The following TRPM3 variants were observed in gnomAD, a reference collection of about 807,000 sequenced individuals.
The protein encoded by TRPM3 is transient receptor potential cation channel subfamily M member 3, also known as long transient receptor potential channel 3.
TRPM3 carries 77 observed loss-of-function variants against 181.2 expected under a neutral mutation model. The ratio of observed to expected loss-of-function variants is 0.42; its 90% CI spans 0.35 to 0.51. TRPM3 has a LOEUF of 0.51. Among genes scored for constraint, TRPM3 ranks in the 20% least tolerant of loss-of-function variants. The pLI is 0.01. For missense variants in TRPM3, 1,759 were observed against 2,196.7 expected (o/e 0.80, Z 3.98); for synonymous variants, 745 against 796.4 (o/e 0.94, Z 1.09).
chr9:71,268,917 A>C (rs2083580785), intron 1 of TRPM3, among the ~76,000 whole-genome samples: 1 of 152,194 alleles, frequency 6.6e-6, no homozygotes, highest in Non-Finnish European at 1.5e-5. Context: ...TTGACAAAGA[A>C]ATGTAAGTTC....
intron 1 of TRPM3, among the ~76,000 whole-genome samples, chr9:71,321,740 G>A (rs889644362): frequency 6.6e-6 from 1 of 152,060 alleles, no homozygotes; most frequent in African/African-American, 2.4e-5. Flanking sequence ...CTAAGCTGGG[G>A]CTAGCATCTG....
intron 7 of TRPM3, among the ~76,000 whole-genome samples, chr9:70,766,629 T>TTA (rs139487372): frequency 0.15 from 23,274 of 152,194 alleles, 2,361 homozygotes; most frequent in East Asian, 0.39. Context: ...TTACTAAATG[T>TTA]TATATTAAGA....
chr9:70,753,270 C>A (rs916634574), intron 8 of TRPM3, among the ~76,000 whole-genome samples: 1 of 151,938 alleles, frequency 6.6e-6, no homozygotes, highest in African/African-American at 2.4e-5. Flanking sequence ...AAAACAAGCC[C>A]CAAACTGAGA....
At chr9:71,226,507 C>A in intron 1 of TRPM3, among the ~76,000 whole-genome samples, 1 of 151,366 alleles carries the variant, frequency 6.6e-6, no homozygotes, top group African/African-American at 2.4e-5. Context: ...CAAATGGAAA[C>A]CAAAAAAGAA....
chr9:71,300,781 T>C (rs1192170345), intron 1 of TRPM3, among the ~76,000 whole-genome samples: 1 of 152,178 alleles, frequency 6.6e-6, no homozygotes, highest in Non-Finnish European at 1.5e-5. Flanking sequence ...CAAATGTGAT[T>C]TTAAATTCTG....
At chr9:71,232,543 G>T (rs1001778852) in intron 1 of TRPM3, among the ~76,000 whole-genome samples, 1 of 124,586 alleles carries the variant, frequency 8.0e-6, no homozygotes, top group Non-Finnish European at 1.6e-5. Flanking sequence ...CTCTGTCGCC[G>T]AGGCTGGAGT....
At position 71,388,147 on chromosome 9, in the gene TRPM3, C is replaced by T. The variant is rs184588177; in HGVS notation, c.183+58506G>A. 1.9e-3 allele frequency among the ~76,000 whole-genome samples: 287 copies of T among 152,142 alleles called. 1 individual carries two copies. Among genetic ancestry groups the T allele is most frequent in the Non-Finnish European group, 2.2e-3 (151 of 67,996 alleles). ...CATAGTTATACAACAAAAAGAGGAA[C>T]GACCAGTTATATGATGAGCTAAGAG... On this transcript the variant is annotated intron_variant, in intron 1 of 24. Coordinates refer to the TRPM3 transcript ENST00000357533.
intron 1 of TRPM3, among the ~76,000 whole-genome samples, chr9:71,135,611 A>C (rs182890833): frequency 3.4e-4 from 52 of 152,316 alleles, no homozygotes; most frequent in African/African-American, 1.2e-3. Context: ...TTGAATAGAA[A>C]GCAAATATTA....
chr9:70,830,443 T>C (rs980462762), intron 5 of TRPM3, among the ~76,000 whole-genome samples: 3 of 152,288 alleles, frequency 2.0e-5, no homozygotes, highest in Middle Eastern at 3.4e-3. Flanking sequence ...CACATCTGAA[T>C]TGGTCATGGC....
intron 1 of TRPM3, among the ~76,000 whole-genome samples, chr9:71,296,403 C>A (rs914246818): frequency 6.6e-6 from 1 of 152,072 alleles, no homozygotes; most frequent in African/African-American, 2.4e-5. Flanking sequence ...AGGATTTCCT[C>A]TCTAAGAATG....
chr9:71,182,750 C>T (rs374747557), intron 1 of TRPM3, among the ~76,000 whole-genome samples: 7 of 152,192 alleles, frequency 4.6e-5, no homozygotes, highest in Admixed American at 1.3e-4. Flanking sequence ...CAACCTCCAA[C>T]GCCGTGGTTC....
chr9:71,250,704 G>A (rs1047577606), intron 1 of TRPM3, among the ~76,000 whole-genome samples: 2 of 152,156 alleles, frequency 1.3e-5, no homozygotes, highest in African/African-American at 4.8e-5. Flanking sequence ...TGAAACATGA[G>A]AAAGAGCCAG....
intron 6 of TRPM3, among the ~76,000 whole-genome samples, chr9:70,814,290 C>G (rs562521037): frequency 2.6e-5 from 4 of 152,004 alleles, no homozygotes; most frequent in African/African-American, 9.7e-5. Flanking sequence ...TGCACCATAA[C>G]GGGTTGTAGG....
chr9:71,284,786 A>T (rs985124755), intron 1 of TRPM3, among the ~76,000 whole-genome samples: 33 of 152,328 alleles, frequency 2.2e-4, no homozygotes, highest in African/African-American at 7.2e-4. Context: ...TACATTACTT[A>T]GTCTATACAG....
At position 70,886,672 on chromosome 9, in the gene TRPM3, C is replaced by CT. The variant is rs560003768; in HGVS notation, c.178-22162dup. Among the ~76,000 whole-genome samples, 597 of 149,896 alleles carry CT rather than the reference C, an allele frequency of 4.0e-3. 5 individuals carry two copies. Among genetic ancestry groups the CT allele is most frequent in the African/African-American group, 0.014 (557 of 40,842 alleles). ...AGTCAACACTTTTTTTTCTTTTTTT[C>CT]TTTTTTTTTGAGATGGAATTTCGCT... On this transcript the variant is annotated intron_variant, in intron 1 of 25. Transcript: ENST00000677713.
intron 1 of TRPM3, among the ~76,000 whole-genome samples, chr9:71,119,136 C>A (rs1157484910): frequency 1.3e-5 from 2 of 152,040 alleles, no homozygotes; most frequent in African/African-American, 2.4e-5. Flanking sequence ...CTTGGTATGA[C>A]TTTATTTTTT....
chr9:70,946,434 T>TAATAAC (rs1279788274), intron 1 of TRPM3, among the ~76,000 whole-genome samples: 342 of 28,920 alleles, frequency 0.012, 1 homozygote, highest in African/African-American at 0.08. Flanking sequence ...TGTTAAATGG[T>TAATAAC]AATAATAATA....
At chr9:71,339,064 T>C (rs2090773543) in intron 1 of TRPM3, among the ~76,000 whole-genome samples, 1 of 152,032 alleles carries the variant, frequency 6.6e-6, no homozygotes, top group Non-Finnish European at 1.5e-5. Context: ...TCAATACTTC[T>C]TACAGAGTAA....
chr9:70,925,657 C>T (rs1187773953), intron 1 of TRPM3, among the ~76,000 whole-genome samples: 1 of 152,044 alleles, frequency 6.6e-6, no homozygotes, highest in Non-Finnish European at 1.5e-5. Context: ...TTTCTAATAA[C>T]ACCTATAGGC....
Sources: gnomAD v4.1 joint callset for allele counts (sites outside exome capture counted in the v4.1 genomes callset) on GRCh38, gnomAD v4.1.1 for gene constraint, MANE v1.5 for transcripts, NCBI Gene and HGNC (gene_info 2026-07-23, HGNC 2026-07-21) for gene names.